Variants in KCNS2 observed in about 807,000 individuals in gnomAD.
The protein encoded by KCNS2 is delayed-rectifier potassium channel regulatory subunit KCNS2.
KCNS2 carries 15 observed loss-of-function variants against 28.3 expected under a neutral mutation model. The ratio of observed to expected loss-of-function variants is 0.53; its 90% CI spans 0.35 to 0.82. The LOEUF is 0.82. KCNS2 is among the 40% of genes least tolerant of loss of function. The pLI, the probability that KCNS2 is intolerant of heterozygous loss-of-function variation, is 0.01. For synonymous variants in KCNS2, 254 were observed against 256.7 expected, an observed-to-expected ratio of 0.99 and a Z score of 0.10; for missense variants, 501 against 617.1, an observed-to-expected ratio of 0.81 and a Z score of 1.99.
rs1162062725 is a variant in KCNS2 at position 98,430,955 on chromosome 8, G to C, written c.*1542G>C. The stretch of plus-strand genomic sequence containing the variant: ...ACATAACATTGTGATGGGGAACCTG[G>C]GTTCCTCTATAAGATAATTCTTCTC... On this transcript the variant is annotated 3_prime_UTR_variant, in exon 2 of 2. Transcript: ENST00000287042. 1.2e-5 allele frequency: 2 copies of C among 167,036 alleles called. No individual in the cohort carries two copies. Among genetic ancestry groups the C allele is most frequent in the Non-Finnish European group, 2.9e-5 (2 of 68,108 alleles). The allele number at this position is 167,036 out of a possible 1,614,324, so 10.3% of individuals were successfully genotyped here.
Position 98,430,878 on chromosome 8 carries a change from C to T in KCNS2, c.*1465C>T, listed in dbSNP as rs767526979. On this transcript the variant is annotated 3_prime_UTR_variant, in exon 2 of 2. Transcript: ENST00000287042. ...CTTCCAAACTTGTATTGAAGGGAGA[C>T]GACTGTTTCCTCCTCCAAAATGCTC... is the stretch of plus-strand genomic sequence containing the variant. 7.2e-5 allele frequency: 12 copies of T among 167,070 alleles called. No homozygotes were observed. Among genetic ancestry groups the T allele is most frequent in the South Asian group, 4.1e-4 (2 of 4,820 alleles). The allele number at this position is 167,070 out of a possible 1,614,324, so 10.3% of individuals were successfully genotyped here.
chr8:98,429,728 T>C lies in KCNS2; in HGVS notation c.*315T>C. ...TTTTTCTGTCCATCGTGTACGCTAT[T>C]CTAGTGCTTGTGGCCCAGTACTGTC... On this transcript the variant is annotated 3_prime_UTR_variant, in exon 2 of 2. Coordinates refer to ENST00000287042, the MANE Select transcript of KCNS2 (RefSeq NM_020697.4). 1 of 310,708 alleles carries C rather than the reference T, an allele frequency of 3.2e-6. No homozygotes were observed. Among genetic ancestry groups the C allele is most frequent in the East Asian group, 6.4e-5 (1 of 15,584 alleles). The allele number at this position is 310,708 out of a possible 1,614,324, so 19.2% of individuals were successfully genotyped here.
At position 98,429,698 on chromosome 8, in the gene KCNS2, G is replaced by C. The variant is rs1218780907; in HGVS notation, c.*285G>C. The C allele has an allele frequency of 7.5e-6, 3 of 397,704 alleles. No individual in the cohort carries two copies. The highest frequency in any genetic ancestry group is 1.4e-5 in the Non-Finnish European group (3 of 213,932). 24.6% of individuals were successfully genotyped at this position (397,704 alleles called of 1,614,324 possible). On this transcript the variant is annotated 3_prime_UTR_variant, in exon 2 of 2. Coordinates refer to ENST00000287042, the MANE Select transcript of KCNS2 (RefSeq NM_020697.4). ...TTTGCCAGATGAGTACACCCAGAAT[G>C]CTAATTTTTCTGTCCATCGTGTACG...
rs1025425543 is a variant in KCNS2, at chr8:98,427,911, C to T, written c.-42-27C>T. On this transcript the variant is annotated intron_variant, in intron 1 of 1. Transcript: ENST00000287042. ...GCCCCGCCAGGGCGCACGGCGCTCT[C>T]GCCGACGCTGTTCCCTCCGCTTCCA... 6.7e-6 allele frequency: 9 copies of T among 1,347,024 alleles called. 1 individual carries two copies. The African/African-American group carries it at 7.4e-5, about 11-fold the overall frequency. The allele number at this position is 1,347,024 out of a possible 1,614,324, so 83.4% of individuals were successfully genotyped here.
Position 98,429,309 on chromosome 8 carries a change from T to G in KCNS2, c.1330T>G (p.Leu444Val). 1 of 1,614,068 alleles carries G rather than the reference T, an allele frequency of 6.2e-7. No individual in the cohort carries two copies. The highest frequency in any genetic ancestry group is 8.5e-7 in the Non-Finnish European group (1 of 1,179,948). Residue 444 changes from leucine to valine, a missense_variant, in exon 2 of 2, where the codon TTA becomes GTA. Transcript: ENST00000287042. ...DGMKEVPSVN[L>V]RDYYAHKVKS... ...AATGAAGGAGGTCCCTTCGGTCAATTTAAGGGACTATTATGCCCATAAAGT... is the reference window on the plus strand; with the variant it reads ...AATGAAGGAGGTCCCTTCGGTCAATGTAAGGGACTATTATGCCCATAAAGT...
rs1472552094 is a variant in KCNS2 at position 98,432,740 on chromosome 8, T to C, written c.*3327T>C. The C allele has an allele frequency of 1.2e-5, 2 of 167,134 alleles. No individual in the cohort carries two copies. Among genetic ancestry groups the C allele is most frequent in the Non-Finnish European group, 2.9e-5 (2 of 68,130 alleles). 10.4% of individuals were successfully genotyped at this position (167,134 alleles called of 1,614,324 possible). On this transcript the variant is annotated 3_prime_UTR_variant, in exon 2 of 2. Coordinates refer to ENST00000287042, the MANE Select transcript of KCNS2 (RefSeq NM_020697.4). ...GTATTTCTTGTGTGTTTTAACAGCA[T>C]GACTTCTTACAGAGCTGTAATTTTT...
rs1484666362 is a variant in KCNS2 at position 98,427,060 on chromosome 8, T to C, written c.-312T>C. On this transcript the variant is annotated 5_prime_UTR_variant, in exon 1 of 2. Transcript: ENST00000287042. Reference sequence around the variant, plus strand: ...CGGCGCGGGTTCCTGCCTCTCTGGGTGGGTGAGGGGCGCGCGGATCCGGAG... The same window carrying C: ...CGGCGCGGGTTCCTGCCTCTCTGGGCGGGTGAGGGGCGCGCGGATCCGGAG... 1 of 149,694 alleles carries C rather than the reference T, an allele frequency of 6.7e-6. No homozygotes were observed. Among genetic ancestry groups the C allele is most frequent in the African/African-American group, 2.4e-5 (1 of 40,858 alleles). The allele number at this position is 149,694 out of a possible 1,614,324, so 9.3% of individuals were successfully genotyped here.
rs752288336 is a variant in KCNS2, at chr8:98,429,194, C to T, written c.1215C>T (p.Pro405=). The change falls in exon 2 of 2, where the codon CCC becomes CCT. Residue 405 remains proline (P), a synonymous_variant. Coordinates refer to ENST00000287042, the MANE Select transcript of KCNS2 (RefSeq NM_020697.4). The stretch of plus-strand genomic sequence containing the variant: ...CAGGCATCCTCGTGGTGGTCCTGCC[C>T]ATCACCTTGATCTTCAATAAGTTCT... ...ILAGILVVVL[P]ITLIFNKFSH... is the part of the protein sequence containing the mutation. 5.0e-6 allele frequency: 8 copies of T among 1,613,910 alleles called. No individual in the cohort carries two copies. The highest frequency in any genetic ancestry group is 2.2e-5 in the South Asian group (2 of 91,084).
At position 98,432,620 on chromosome 8, in the gene KCNS2, A is replaced by ATGCAACTTAAT; in HGVS notation, c.*3208_*3209insGCAACTTAATT. ...ACTCAAATAATTGAACTACCTGCTA[A>ATGCAACTTAAT]TTCTTGCCGCATTTCAAAGAAAATA... is the stretch of plus-strand genomic sequence containing the variant. On this transcript the variant is annotated 3_prime_UTR_variant, in exon 2 of 2. Transcript: ENST00000287042. 1 of 167,258 alleles carries ATGCAACTTAAT rather than the reference A, an allele frequency of 6.0e-6. No individual in the cohort carries two copies. Among genetic ancestry groups the ATGCAACTTAAT allele is most frequent in the Admixed American group, 6.5e-5 (1 of 15,310 alleles). 10.4% of individuals were successfully genotyped at this position (167,258 alleles called of 1,614,324 possible).
In KCNS2 at chr8:98,428,079, A is replaced by G; in HGVS notation, c.100A>G (p.Thr34Ala). ...CTTCAAGAGGAGGCTGCGCTCGCAC[A>G]CGCTGCTGCGCTTCCCCGAGACGCG... The part of the protein sequence containing the change: ...GGFKRRLRSH[T>A]LLRFPETRLG... The change falls in exon 2 of 2, where the codon ACG becomes GCG. Residue 34 changes from threonine (T) to alanine (A), a missense_variant. Coordinates refer to ENST00000287042, the MANE Select transcript of KCNS2 (RefSeq NM_020697.4). This position sits in a 1 kb window ranked among gnomAD's most constrained non-coding sequence, Gnocchi z 6.7. 3 of 1,613,592 alleles carry G rather than the reference A, an allele frequency of 1.9e-6. No homozygotes were observed. Among genetic ancestry groups the G allele is most frequent in the South Asian group, 2.2e-5 (2 of 91,048 alleles).
chr8:98,428,330 C>T lies in KCNS2; in HGVS notation c.351C>T (p.Ser117=), dbSNP rs761712983. The T allele has an allele frequency of 1.4e-5, 23 of 1,614,162 alleles. No individual in the cohort carries two copies. Among genetic ancestry groups the T allele is most frequent in the Middle Eastern group, 1.6e-4 (1 of 6,062 alleles). The change falls in exon 2 of 2, where the codon TCC becomes TCT. Residue 117 remains serine (S), a synonymous_variant. Transcript: ENST00000287042. The surrounding 1 kb of genome is among the most constrained non-coding windows in gnomAD (Gnocchi z 6.7). ...GCATCAACGAGTTCTTCATTGACTC[C>T]TGCTGCAGCTACAGCTACCATGGCC... ...YWGINEFFID[S]CCSYSYHGRK...
rs1818304890 is a variant in KCNS2 at position 98,429,884 on chromosome 8, G to C, written c.*471G>C. 1 of 168,908 alleles carries C rather than the reference G, an allele frequency of 5.9e-6. No individual in the cohort carries two copies. The highest frequency in any genetic ancestry group is 2.4e-5 in the African/African-American group (1 of 41,504). The allele number at this position is 168,908 out of a possible 1,614,324, so 10.5% of individuals were successfully genotyped here. On this transcript the variant is annotated 3_prime_UTR_variant, in exon 2 of 2. Coordinates refer to ENST00000287042, the MANE Select transcript of KCNS2 (RefSeq NM_020697.4). ...GATGAGATTTTGCTCACAGTCATGT[G>C]AAAACAAAATCTCAGCTCTTTATCC...
At position 98,429,234 on chromosome 8, in the gene KCNS2, C is replaced by A; in HGVS notation, c.1255C>A (p.Arg419Ser). Residue 419 changes from arginine to serine, a missense_variant, in exon 2 of 2, where the codon CGC (arginine) becomes AGC (serine). Transcript: ENST00000287042. The stretch of plus-strand genomic sequence containing the variant: ...CAATAAGTTCTCCCACTTTTACCGG[C>A]GCCAAAAGCAACTTGAGAGTGCCAT... ...IFNKFSHFYR[R>S]QKQLESAMRS... The A allele has an allele frequency of 6.2e-7, 1 of 1,614,000 alleles. No homozygotes were observed. Among genetic ancestry groups the A allele is most frequent in the Non-Finnish European group, 8.5e-7 (1 of 1,180,028 alleles).
chr8:98,428,450 C>G lies in KCNS2; in HGVS notation c.471C>G (p.Asp157Glu), dbSNP rs762692688. ...SFDEILAFYNDASKFDGQPLG... is the reference protein window; with the variant it reads ...SFDEILAFYNEASKFDGQPLG... ...ATGAGATCCTTGCCTTCTACAACGA[C>G]GCCTCCAAGTTCGATGGGCAGCCCC... The change falls in exon 2 of 2, where the codon GAC (aspartate) becomes GAG (glutamate). Residue 157 changes from aspartate to glutamate, a missense_variant. By Grantham distance (45) the Asp-to-Glu change is conservative. Transcript: ENST00000287042. This position sits in a 1 kb window ranked among gnomAD's most constrained non-coding sequence, Gnocchi z 6.7. The G allele has an allele frequency of 1.9e-6, 3 of 1,614,136 alleles. No individual in the cohort carries two copies. The East Asian group carries it at 6.7e-5, about 36-fold the overall frequency.
rs768234102 is a variant in KCNS2 at position 98,428,816 on chromosome 8, G to A, written c.837G>A (p.Leu279=). 1.2e-6 allele frequency: 2 copies of A among 1,614,198 alleles called. No homozygotes were observed. Among genetic ancestry groups the A allele is most frequent in the Admixed American group, 1.7e-5 (1 of 60,028 alleles). The part of the protein sequence containing the change: ...VPFYITLVVN[L]VVESTPTLAN... ...TTTACATCACTCTGGTGGTGAACCTGGTGGTGGAGAGCACACCTACTTTAG... is the reference window on the plus strand; with the variant it reads ...TTTACATCACTCTGGTGGTGAACCTAGTGGTGGAGAGCACACCTACTTTAG... The change falls in exon 2 of 2, where the codon CTG becomes CTA. Residue 279 remains leucine, a synonymous_variant. Transcript: ENST00000287042. The surrounding 1 kb of genome is among the most constrained non-coding windows in gnomAD (Gnocchi z 6.7).
rs1818288474 is a variant in KCNS2 at position 98,428,958 on chromosome 8, A to AAAGAAG, written c.980_985dup (p.Glu328_Val329insGluGlu). 6.2e-7 allele frequency: 1 copy of AAAGAAG among 1,613,890 alleles called. No individual in the cohort carries two copies. Among genetic ancestry groups the AAAGAAG allele is most frequent in the African/African-American group, 1.3e-5 (1 of 74,892 alleles). ...GGGGGCCACTTTGAAATACAGCTAC[A>AAAGAAG]AAGAAGTAGGGCTGCTCTTGCTCTA... On this transcript the variant is annotated inframe_insertion, in exon 2 of 2. Transcript: ENST00000287042. This position sits in a 1 kb window ranked among gnomAD's most constrained non-coding sequence, Gnocchi z 6.7.
rs778298625 is a variant in KCNS2, at chr8:98,428,093, C to T, written c.114C>T (p.Phe38=). The T allele has an allele frequency of 4.1e-5, 66 of 1,613,772 alleles. No homozygotes were observed. The highest frequency in any genetic ancestry group is 4.9e-5 in the Non-Finnish European group (58 of 1,180,034). The change falls in exon 2 of 2, where the codon TTC becomes TTT. Residue 38 remains phenylalanine (F), a synonymous_variant. Transcript: ENST00000287042. This position sits in a 1 kb window ranked among gnomAD's most constrained non-coding sequence, Gnocchi z 6.7. ...TGCGCTCGCACACGCTGCTGCGCTT[C>T]CCCGAGACGCGCCTGGGCCGCTTGC... The part of the protein sequence containing the change: ...RRLRSHTLLR[F]PETRLGRLLL...
rs941796194 is a variant in KCNS2 at position 98,429,606 on chromosome 8, G to T, written c.*193G>T. The T allele has an allele frequency of 2.0e-5, 11 of 553,720 alleles. No homozygotes were observed. The highest frequency in any genetic ancestry group is 1.9e-4 in the African/African-American group (10 of 53,188). 34.3% of individuals were successfully genotyped at this position (553,720 alleles called of 1,614,324 possible). On this transcript the variant is annotated 3_prime_UTR_variant, in exon 2 of 2. Transcript: ENST00000287042. ...TAGAGGGTGGTGTGTCTGACACCAT[G>T]CCTTTGCACCTTTCCATGAAATGAC...
intron 1 of KCNS2, 29 bp from the exon 2 acceptor site, chr8:98,427,909 C>T (rs1043395080): frequency 4.5e-5 from 60 of 1,337,604 alleles, no homozygotes; most frequent in Non-Finnish European, 5.5e-5. Context: ...GCACGGCGCT[C>T]TCGCCGACGC....
Sources: allele counts gnomAD v4.1 joint callset, GRCh38; gene constraint gnomAD v4.1.1; non-coding constraint Gnocchi (gnomAD v3.1); transcripts MANE v1.5; gene names NCBI Gene and HGNC (gene_info 2026-07-23, HGNC 2026-07-21).